PLCB1: variants seen among roughly 807,000 people sequenced by gnomAD.
The protein encoded by PLCB1 is 1-phosphatidylinositol 4,5-bisphosphate phosphodiesterase beta-1.
Under a neutral mutation model 161.8 loss-of-function variants are expected in PLCB1, and 46 were observed. That is an observed-to-expected ratio of 0.28 (90% CI 0.22 to 0.36). The LOEUF (loss-of-function observed/expected upper bound fraction) is 0.36, where lower values mean the gene tolerates loss of function less well. Among genes scored for constraint, PLCB1 ranks in the 10% least tolerant of loss-of-function variants. The probability of loss-of-function intolerance (pLI) is 1.00; values close to 1 mark genes in which losing one functional copy is unlikely to be tolerated. For synonymous variants in PLCB1, 517 were observed against 503.7 expected, an observed-to-expected ratio of 1.03 and a Z score of -0.35; for missense variants, 1,016 against 1,472.5, an observed-to-expected ratio of 0.69 and a Z score of 5.07.
intron 1 of PLCB1, among the ~76,000 whole-genome samples, chr20:8,135,770 A>T (rs1427120324): frequency 6.6e-6 from 1 of 152,214 alleles, no homozygotes; most frequent in Non-Finnish European, 1.5e-5. Flanking sequence ...TAAAAAATTC[A>T]ACCTCATGTC....
chr20:8,166,381 G>A (rs554625996), intron 2 of PLCB1, among the ~76,000 whole-genome samples: 61 of 150,508 alleles, frequency 4.1e-4, no homozygotes, highest in African/African-American at 1.2e-3. Context: ...CATTTTCCTC[G>A]AAACACTTTC....
chr20:8,376,717 A>AG (rs1987095911), intron 3 of PLCB1, among the ~76,000 whole-genome samples: 1 of 152,104 alleles, frequency 6.6e-6, no homozygotes, highest in Non-Finnish European at 1.5e-5. Context: ...TCACGAGGTC[A>AG]GGAGATCGAG....
intron 31 of PLCB1, among the ~76,000 whole-genome samples, chr20:8,845,062 C>T (rs530550532): frequency 2.0e-4 from 31 of 151,662 alleles, no homozygotes; most frequent in Admixed American, 1.8e-3. Context: ...TGCAGTGAGC[C>T]GAGATCACGC....
At position 8,545,649 on chromosome 20, in the gene PLCB1, G is replaced by A. The variant is rs148749480; in HGVS notation, c.247-82645G>A. 1.1e-3 allele frequency among the ~76,000 whole-genome samples: 165 copies of A among 152,308 alleles called. 1 individual carries two copies. Among genetic ancestry groups the A allele is most frequent in the African/African-American group, 3.9e-3 (161 of 41,560 alleles). On this transcript the variant is annotated intron_variant, in intron 3 of 31. Transcript: ENST00000338037. Reference sequence around the variant, plus strand: ...ATTGGCTGGACCTTAAAACCATCTGGATGTGGGAGGTGAGAAAGAAGAAAG... The same window carrying A: ...ATTGGCTGGACCTTAAAACCATCTGAATGTGGGAGGTGAGAAAGAAGAAAG...
At chr20:8,252,258 A>G (rs1373443574) in intron 2 of PLCB1, among the ~76,000 whole-genome samples, 1 of 151,976 alleles carries the variant, frequency 6.6e-6, no homozygotes, top group African/African-American at 2.4e-5. Flanking sequence ...GGCACCTGCT[A>G]GTCTCTGTAT....
intron 16 of PLCB1, among the ~76,000 whole-genome samples, chr20:8,726,862 A>G (rs1014721351): frequency 1.3e-5 from 2 of 152,256 alleles, no homozygotes; most frequent in East Asian, 3.9e-4. Flanking sequence ...ATACAAACTG[A>G]TAAGGTGGCA....
chr20:8,442,541 T>A (rs528269500), intron 3 of PLCB1, among the ~76,000 whole-genome samples: 1 of 152,198 alleles, frequency 6.6e-6, no homozygotes. Context: ...AGAGGGGACA[T>A]ACTGAGGCAA....
chr20:8,345,697 TGGAGGCAATG>T (rs1285698641), intron 2 of PLCB1, among the ~76,000 whole-genome samples: 1 of 152,064 alleles, frequency 6.6e-6, no homozygotes, highest in Non-Finnish European at 1.5e-5. Context: ...AAGGGCAAGG[TGGAGGCAATG>T]GGAGGCAAAA....
intron 31 of PLCB1, among the ~76,000 whole-genome samples, chr20:8,800,945 C>G (rs1455438843): frequency 1.3e-5 from 2 of 152,152 alleles, no homozygotes; most frequent in Non-Finnish European, 2.9e-5. Flanking sequence ...AGCCTCCAAA[C>G]TGGTCTTCCT....
intron 2 of PLCB1, among the ~76,000 whole-genome samples, chr20:8,247,240 C>T (rs1223666659): frequency 6.6e-6 from 1 of 151,934 alleles, no homozygotes; most frequent in Non-Finnish European, 1.5e-5. Context: ...AAGGGTTCAT[C>T]ACCTGAGATG....
At chr20:8,555,796 A>C (rs1317327658) in intron 3 of PLCB1, among the ~76,000 whole-genome samples, 2 of 152,078 alleles carry the variant, frequency 1.3e-5, no homozygotes, top group Non-Finnish European at 2.9e-5. Flanking sequence ...GACTTGGAGG[A>C]GAATAGACTA....
intron 3 of PLCB1, among the ~76,000 whole-genome samples, chr20:8,449,061 A>G (rs1230201474): frequency 6.6e-6 from 1 of 152,214 alleles, no homozygotes; most frequent in Non-Finnish European, 1.5e-5. Context: ...TTAAATGCAA[A>G]TTCAAACTAA....
intron 31 of PLCB1, among the ~76,000 whole-genome samples, chr20:8,862,480 A>G (rs1216484210): frequency 2.0e-5 from 3 of 152,208 alleles, no homozygotes; most frequent in African/African-American, 7.2e-5. Flanking sequence ...GTGATCACAT[A>G]TAATGTAACA....
chr20:8,850,241 G>C (rs528091274), intron 31 of PLCB1, among the ~76,000 whole-genome samples: 1 of 152,282 alleles, frequency 6.6e-6, no homozygotes, highest in South Asian at 2.1e-4. Context: ...AAACTAAAAT[G>C]CTCAAAAATA....
At chr20:8,837,642 G>A (rs995069256) in intron 31 of PLCB1, among the ~76,000 whole-genome samples, 1 of 152,214 alleles carries the variant, frequency 6.6e-6, no homozygotes, top group Non-Finnish European at 1.5e-5. Context: ...ACATTGGGAT[G>A]TTAGAGTGGG....
At chr20:8,791,433 A>C (rs1289717707) in intron 31 of PLCB1, among the ~76,000 whole-genome samples, 4 of 152,226 alleles carry the variant, frequency 2.6e-5, no homozygotes, top group African/African-American at 9.6e-5. Context: ...CAAAAGATCC[A>C]GTTTGACTGA....
At chr20:8,874,628 A>G (rs893328864) in intron 31 of PLCB1, among the ~76,000 whole-genome samples, 8 of 152,172 alleles carry the variant, frequency 5.3e-5, no homozygotes, top group South Asian at 2.1e-4. Flanking sequence ...ATGATGCCTG[A>G]AACATTTTCA....
intron 10 of PLCB1, among the ~76,000 whole-genome samples, chr20:8,688,162 A>G (rs1990399317): frequency 6.6e-6 from 1 of 152,082 alleles, no homozygotes; most frequent in Admixed American, 6.6e-5. Context: ...TCATGTCCTT[A>G]GCCCACTTTT....
chr20:8,375,741 G>T (rs1987052871), intron 3 of PLCB1, among the ~76,000 whole-genome samples: 1 of 151,994 alleles, frequency 6.6e-6, no homozygotes, highest in Non-Finnish European at 1.5e-5. Flanking sequence ...CTGTCTGCTG[G>T]CATCTCTACT....
Sources: gnomAD v4.1 joint callset for allele counts (sites outside exome capture counted in the v4.1 genomes callset) on GRCh38, gnomAD v4.1.1 for gene constraint, MANE v1.5 for transcripts, NCBI Gene and HGNC (gene_info 2026-07-23, HGNC 2026-07-21) for gene names.